CCDC18: variants seen among roughly 807,000 people sequenced by gnomAD.
CCDC18 encodes coiled-coil domain containing 18, also known as coiled-coil domain-containing protein 18.
CCDC18 carries 157 observed loss-of-function variants against 196.0 expected under a neutral mutation model. That is an observed-to-expected ratio of 0.80 (90% CI 0.70 to 0.91). CCDC18 has a LOEUF of 0.91. Ranked by LOEUF, CCDC18 falls within the 40% of genes least tolerant of loss-of-function variation. The pLI is 0.00. For missense variants in CCDC18, 1,465 were observed against 1,611.6 expected, an observed-to-expected ratio of 0.91 and a Z score of 1.56; for synonymous variants, 482 against 529.2, an observed-to-expected ratio of 0.91 and a Z score of 1.22.
chr1:93,211,313 A>G (rs926405762), intron 10 of CCDC18, among the ~76,000 whole-genome samples: 1 of 152,078 alleles, frequency 6.6e-6, no homozygotes, highest in Admixed American at 6.6e-5. Flanking sequence ...GAGGAATTTA[A>G]AAAATATACA....
chr1:93,195,529 T>C (rs147234838), intron 6 of CCDC18, among the ~76,000 whole-genome samples: 1 of 152,306 alleles, frequency 6.6e-6, no homozygotes, highest in East Asian at 1.9e-4. Context: ...ATTTTTTGTA[T>C]TGGAAACTTA....
chr1:93,182,517 G>A (rs1649901107), intron 1 of CCDC18, among the ~76,000 whole-genome samples: 1 of 152,208 alleles, frequency 6.6e-6, no homozygotes, highest in South Asian at 2.1e-4. Context: ...GTAATTTTAA[G>A]ATTGCGCAGA....
intron 28 of CCDC18, chr1:93,273,614 A>G (rs922860598): frequency 6.6e-6 from 1 of 152,224 alleles, no homozygotes; most frequent in Admixed American, 6.5e-5. Flanking sequence ...CAGCAGCAGC[A>G]TGTCCCTTTC....
intron 28 of CCDC18, 118 bp downstream of exon 28, chr1:93,270,932 T>C (rs1441649906): frequency 7.2e-7 from 1 of 1,394,780 alleles, no homozygotes. Context: ...AGAAGGAAGA[T>C]TTTACATTTT....
chr1:93,238,430 C>G (rs940821300), intron 19 of CCDC18, among the ~76,000 whole-genome samples: 2 of 152,076 alleles, frequency 1.3e-5, no homozygotes, highest in Admixed American at 1.3e-4. Flanking sequence ...TATAGTTTTC[C>G]TTAAGTTTAC....
chr1:93,259,496 C>T (rs547866), intron 26 of CCDC18, among the ~76,000 whole-genome samples: 76,796 of 152,026 alleles, frequency 0.51, 23,041 homozygotes, highest in African/African-American at 0.85. Flanking sequence ...AAATTACTTA[C>T]GTTTAGTGCT....
At chr1:93,265,589 T>G (rs374804622) in intron 27 of CCDC18, among the ~76,000 whole-genome samples, 1 of 152,256 alleles carries the variant, frequency 6.6e-6, no homozygotes, top group African/African-American at 2.4e-5. Flanking sequence ...ACTGTTTTGT[T>G]AATTGTGATT....
At chr1:93,217,612 T>C in intron 13 of CCDC18, 126 bp from the exon 14 acceptor site, 1 of 726,484 alleles carries the variant, frequency 1.4e-6, no homozygotes, top group East Asian at 2.8e-5. Flanking sequence ...TAATTTTTTG[T>C]ATTTTTCATA....
chr1:93,252,521 G>A (rs1362579609), intron 23 of CCDC18, among the ~76,000 whole-genome samples: 1 of 151,436 alleles, frequency 6.6e-6, no homozygotes, highest in African/African-American at 2.4e-5. Context: ...TTTCTCAATT[G>A]ATTCCCTGCG....
At chr1:93,196,495 T>G (rs1261559919) in intron 6 of CCDC18, among the ~76,000 whole-genome samples, 1 of 152,186 alleles carries the variant, frequency 6.6e-6, no homozygotes, top group Non-Finnish European at 1.5e-5. Flanking sequence ...ATAAAGACTC[T>G]AAACCAGCAA....
chr1:93,265,877 C>T (rs906272914), intron 27 of CCDC18, among the ~76,000 whole-genome samples: 9 of 151,482 alleles, frequency 5.9e-5, no homozygotes, highest in African/African-American at 1.7e-4. Flanking sequence ...CAACATTAGA[C>T]AGATCAACGA....
At chr1:93,235,333 T>C (rs1659931346) in intron 18 of CCDC18, among the ~76,000 whole-genome samples, 2 of 152,214 alleles carry the variant, frequency 1.3e-5, no homozygotes, top group Non-Finnish European at 2.9e-5. Context: ...AGGGATGTGA[T>C]ACATGGAAGC....
intron 17 of CCDC18, among the ~76,000 whole-genome samples, chr1:93,229,464 A>T (rs1230426405): frequency 6.6e-6 from 1 of 152,200 alleles, no homozygotes; most frequent in African/African-American, 2.4e-5. Context: ...CATTTTAGAA[A>T]ATCTGATTTG....
At chr1:93,247,901 A>G (rs972150260) in intron 23 of CCDC18, among the ~76,000 whole-genome samples, 1 of 151,828 alleles carries the variant, frequency 6.6e-6, no homozygotes, top group African/African-American at 2.4e-5. Flanking sequence ...GAAAGTGGGC[A>G]TACTTGTCTT....
chr1:93,255,802 G>A (rs1352510439), intron 24 of CCDC18, among the ~76,000 whole-genome samples: 1 of 133,704 alleles, frequency 7.5e-6, no homozygotes, highest in Non-Finnish European at 1.6e-5. Flanking sequence ...AAGGAGGGGG[G>A]AGGGATAGTG....
intron 8 of CCDC18, among the ~76,000 whole-genome samples, chr1:93,205,962 AGT>A (rs1654642640): frequency 6.6e-6 from 1 of 152,148 alleles, no homozygotes; most frequent in Non-Finnish European, 1.5e-5. Context: ...TCTAAAAAAA[AGT>A]GTTTTTCAAA....
intron 27 of CCDC18, among the ~76,000 whole-genome samples, chr1:93,269,461 TAA>T (rs35716144): frequency 5.1e-4 from 64 of 126,450 alleles, no homozygotes; most frequent in African/African-American, 1.1e-3. Flanking sequence ...GATGAAGTAG[TAA>T]AAAAAAAAAA....
chr1:93,230,417 G>A (rs1192966251), intron 17 of CCDC18, among the ~76,000 whole-genome samples: 1 of 151,698 alleles, frequency 6.6e-6, no homozygotes, highest in Non-Finnish European at 1.5e-5. Context: ...GCGTGAACCT[G>A]GGAGGCGGAG....
intron 17 of CCDC18, among the ~76,000 whole-genome samples, chr1:93,228,853 T>C (rs1212556715): frequency 1.3e-5 from 2 of 152,190 alleles, no homozygotes; most frequent in Non-Finnish European, 2.9e-5. Flanking sequence ...CTTTAGACTT[T>C]GCATTCATAG....
Sources: gnomAD v4.1 joint callset for allele counts (sites outside exome capture counted in the v4.1 genomes callset) on GRCh38, gnomAD v4.1.1 for gene constraint, MANE v1.5 for transcripts, NCBI Gene and HGNC (gene_info 2026-07-23, HGNC 2026-07-21) for gene names.